Variants in CTNNA2 observed in about 807,000 individuals in gnomAD.
CTNNA2 encodes catenin alpha-2.
A neutral mutation model predicts 101.0 loss-of-function variants in CTNNA2; 42 were observed. That is an observed-to-expected ratio of 0.42 (90% CI 0.32 to 0.54). The LOEUF (loss-of-function observed/expected upper bound fraction) is 0.54, where lower values mean the gene tolerates loss of function less well. Ranked by LOEUF, CTNNA2 falls within the 20% of genes least tolerant of loss-of-function variation. CTNNA2 has a pLI of 0.14. For missense variants in CTNNA2, 871 were observed against 1,223.1 expected, an observed-to-expected ratio of 0.71 and a Z score of 4.29; for synonymous variants, 450 against 456.4, an observed-to-expected ratio of 0.99 and a Z score of 0.18.
At chr2:80,218,317 C>T (rs1190711507) in intron 7 of CTNNA2, among the ~76,000 whole-genome samples, 3 of 152,224 alleles carry the variant, frequency 2.0e-5, no homozygotes, top group South Asian at 2.1e-4. Flanking sequence ...GATATTTGCT[C>T]AATCAACAAG....
intron 7 of CTNNA2, among the ~76,000 whole-genome samples, chr2:79,955,052 A>G (rs1333824187): frequency 1.3e-5 from 2 of 152,218 alleles, no homozygotes; most frequent in Non-Finnish European, 2.9e-5. Context: ...CATCATTTCA[A>G]ACCAAACCAG....
chr2:79,838,200 G>A (rs1165749473), intron 3 of CTNNA2, among the ~76,000 whole-genome samples: 1 of 152,048 alleles, frequency 6.6e-6, no homozygotes, highest in Non-Finnish European at 1.5e-5. Flanking sequence ...CTTTCATTGA[G>A]GATTTAATGA....
At chr2:79,630,005 C>T (rs1175130331) in intron 1 of CTNNA2, among the ~76,000 whole-genome samples, 3 of 152,148 alleles carry the variant, frequency 2.0e-5, no homozygotes, top group African/African-American at 7.2e-5. Flanking sequence ...TTCCCCTGCC[C>T]TGTATCATCC....
At chr2:79,514,433 A>AT (rs1671698132) in intron 1 of CTNNA2, among the ~76,000 whole-genome samples, 1 of 152,228 alleles carries the variant, frequency 6.6e-6, no homozygotes, top group African/African-American at 2.4e-5. Flanking sequence ...GCTTACACCA[A>AT]TGGAAAAGTT....
chr2:80,136,920 C>T (rs1313346543), intron 7 of CTNNA2, among the ~76,000 whole-genome samples: 3 of 152,156 alleles, frequency 2.0e-5, no homozygotes, highest in Non-Finnish European at 4.4e-5. Context: ...CAGCACACAA[C>T]TGCTGCTGCA....
chr2:80,173,783 A>C (rs1003014283), intron 7 of CTNNA2, among the ~76,000 whole-genome samples: 1 of 152,102 alleles, frequency 6.6e-6, no homozygotes, highest in Non-Finnish European at 1.5e-5. Flanking sequence ...AGTTACATGG[A>C]TACTGGACTG....
intron 4 of CTNNA2, among the ~76,000 whole-genome samples, chr2:79,500,001 C>G (rs994504836): frequency 1.3e-5 from 2 of 152,274 alleles, no homozygotes; most frequent in African/African-American, 2.4e-5. Context: ...TTGTTCTATT[C>G]AGGCTTTCAG....
At chr2:80,593,497 T>C (rs1352578550) in intron 15 of CTNNA2, among the ~76,000 whole-genome samples, 1 of 152,144 alleles carries the variant, frequency 6.6e-6, no homozygotes, top group Admixed American at 6.5e-5. Flanking sequence ...GTTTTTCTAT[T>C]ATGGTATACA....
intron 1 of CTNNA2, among the ~76,000 whole-genome samples, chr2:79,552,169 A>G (rs1558723174): frequency 6.6e-6 from 1 of 152,228 alleles, no homozygotes; most frequent in Non-Finnish European, 1.5e-5. Flanking sequence ...ATGTGGGTAC[A>G]GGCATTGGCT....
intron 7 of CTNNA2, among the ~76,000 whole-genome samples, chr2:80,143,759 G>T (rs1703158503): frequency 6.6e-6 from 1 of 152,198 alleles, no homozygotes; most frequent in Non-Finnish European, 1.5e-5. Context: ...GAGGGCAGGG[G>T]AGGGATCACA....
chr2:80,203,772 G>A (rs1461887773), intron 7 of CTNNA2, among the ~76,000 whole-genome samples: 1 of 152,230 alleles, frequency 6.6e-6, no homozygotes, highest in African/African-American at 2.4e-5. Context: ...TAGGGACTCT[G>A]TGTGGGGGCT....
intron 9 of CTNNA2, among the ~76,000 whole-genome samples, chr2:80,495,003 C>A (rs1156588072): frequency 1.3e-5 from 2 of 152,142 alleles, no homozygotes; most frequent in South Asian, 4.2e-4. Context: ...TCTCAATCTG[C>A]AGCATGAACT....
intron 9 of CTNNA2, among the ~76,000 whole-genome samples, chr2:80,525,412 C>T (rs1573133497): frequency 6.6e-6 from 1 of 152,116 alleles, no homozygotes; most frequent in African/African-American, 2.4e-5. Context: ...GATGCCCTCC[C>T]CAGTGACTGT....
intron 4 of CTNNA2, among the ~76,000 whole-genome samples, chr2:79,411,469 G>GA (rs1678409980): frequency 1.3e-5 from 2 of 151,912 alleles, no homozygotes; most frequent in African/African-American, 2.4e-5. Flanking sequence ...CGAAATGAAG[G>GA]AAAAAATGTT....
intron 7 of CTNNA2, among the ~76,000 whole-genome samples, chr2:79,970,666 C>T (rs1294585392): frequency 6.6e-6 from 1 of 152,098 alleles, no homozygotes; most frequent in Non-Finnish European, 1.5e-5. Flanking sequence ...GAATTTTATT[C>T]TGTCGGGTAT....
intron 3 of CTNNA2, among the ~76,000 whole-genome samples, chr2:79,367,192 G>C (rs577494245): frequency 2.6e-5 from 4 of 152,164 alleles, no homozygotes; most frequent in African/African-American, 9.7e-5. Flanking sequence ...CAAGAAGGAG[G>C]CTGGCCATCC....
intron 7 of CTNNA2, among the ~76,000 whole-genome samples, chr2:80,189,749 A>T (rs1474804747): frequency 5.5e-5 from 3 of 55,002 alleles, no homozygotes; most frequent in East Asian, 6.9e-4. Context: ...TCAACCAGTT[A>T]AAAAAAAAAC....
chr2:80,042,459 A>T (rs1696130084), intron 7 of CTNNA2, among the ~76,000 whole-genome samples: 1 of 152,228 alleles, frequency 6.6e-6, no homozygotes, highest in Admixed American at 6.5e-5. Context: ...CTAAAGAAAC[A>T]TCGAAGGTGA....
At chr2:79,589,690 C>T (rs1280147533) in intron 1 of CTNNA2, among the ~76,000 whole-genome samples, 1 of 145,272 alleles carries the variant, frequency 6.9e-6, no homozygotes, top group Non-Finnish European at 1.5e-5. Context: ...AGGTGCTTTC[C>T]TGCAGCATTT....
Sources: allele counts gnomAD v4.1 joint callset (sites outside exome capture counted in the v4.1 genomes callset), GRCh38; gene constraint gnomAD v4.1.1; transcripts MANE v1.5; gene names NCBI Gene and HGNC (gene_info 2026-07-23, HGNC 2026-07-21).